The following NPEPPS variants were observed in gnomAD, a reference collection of about 807,000 sequenced individuals.
NPEPPS encodes the protein aminopeptidase puromycin sensitive, also known as puromycin-sensitive aminopeptidase.
NPEPPS carries 14 observed loss-of-function variants against 115.5 expected under a neutral mutation model. That is an observed-to-expected ratio of 0.12 (90% CI 0.08 to 0.19). The LOEUF (loss-of-function observed/expected upper bound fraction) is 0.19. Among genes scored for constraint, NPEPPS ranks in the 10% least tolerant of loss-of-function variants. NPEPPS has a pLI of 1.00. For missense variants in NPEPPS, 523 were observed against 1,110.8 expected, an observed-to-expected ratio of 0.47 and a Z score of 7.52; for synonymous variants, 285 against 390.6, an observed-to-expected ratio of 0.73 and a Z score of 3.19.
chr17:47,554,851 A>G (rs1249240312), intron 2 of NPEPPS, among the ~76,000 whole-genome samples: 1 of 152,100 alleles, frequency 6.6e-6, no homozygotes, highest in Non-Finnish European at 1.5e-5. Flanking sequence ...GCTGGGTGGC[A>G]TATATATACA....
intron 1 of NPEPPS, among the ~76,000 whole-genome samples, chr17:47,544,858 G>A (rs1385288877): frequency 6.7e-6 from 1 of 148,380 alleles, no homozygotes; most frequent in African/African-American, 2.5e-5. Flanking sequence ...GATTACAGGT[G>A]TGTGCCACCA....
rs1196708818 is a variant in NPEPPS, at chr17:47,603,929, A to C, written c.1755A>C (p.Thr585=). The change falls in exon 16 of 23, where the codon ACA becomes ACC. Residue 585 remains threonine (T), a synonymous_variant. Transcript: ENST00000322157. ...TATCTTTGCAGTTAAACTTAGGAAC[A>C]GTTGGGTTTTATCGGACCCAGTACA... ...PDQWVKLNLG[T]VGFYRTQYSS... 1 of 1,611,200 alleles carries C rather than the reference A, an allele frequency of 6.2e-7. No homozygotes were observed. The highest frequency in any genetic ancestry group is 2.2e-5 in the East Asian group (1 of 44,850).
upstream of NPEPPS, among the ~76,000 whole-genome samples, chr17:47,530,102 ATTTTTT>A: frequency 8.0e-6 from 1 of 124,472 alleles, no homozygotes; most frequent in East Asian, 2.4e-4. Flanking sequence ...AAGCCCGGCT[ATTTTTT>A]TTTTTTTTGT....
chr17:47,534,214 C>G lies in NPEPPS; in HGVS notation c.255+2659C>G, dbSNP rs181277554. Reference sequence around the variant, plus strand: ...TCACGCCATTCTCCTGCTTCAGCCTCCCAAGTAGCTGGGACTACAGGTGCC... The same window carrying G: ...TCACGCCATTCTCCTGCTTCAGCCTGCCAAGTAGCTGGGACTACAGGTGCC... On this transcript the variant is annotated intron_variant, in intron 1 of 22. Coordinates refer to ENST00000322157, the MANE Select transcript of NPEPPS (RefSeq NM_006310.4). Among the ~76,000 whole-genome samples, 9 of 152,180 alleles carry G rather than the reference C, an allele frequency of 5.9e-5. No individual in the cohort carries two copies. In the East Asian group the frequency reaches 1.5e-3, roughly 26 times the overall value.
At chr17:47,618,920 G>A in intron 20 of NPEPPS, 89 bp from the exon 21 acceptor site, 3 of 1,144,486 alleles carry the variant, frequency 2.6e-6, no homozygotes, top group Middle Eastern at 5.7e-4. Context: ...TCTTCAGTGT[G>A]ATTACTTCAG....
chr17:47,544,580 C>G (rs533144846), intron 1 of NPEPPS, among the ~76,000 whole-genome samples: 1 of 150,720 alleles, frequency 6.6e-6, no homozygotes, highest in East Asian at 1.9e-4. Flanking sequence ...TGTTACCAGG[C>G]TGGAGTGTAG....
intron 12 of NPEPPS, chr17:47,596,116 G>T: frequency 3.0e-6 from 1 of 335,986 alleles, no homozygotes; most frequent in Non-Finnish European, 5.6e-6. Flanking sequence ...TTATGCCACT[G>T]CACTCTAGCC....
intron 1 of NPEPPS, among the ~76,000 whole-genome samples, chr17:47,533,823 G>A (rs1908000235): frequency 6.6e-6 from 1 of 152,028 alleles, no homozygotes; most frequent in Non-Finnish European, 1.5e-5. Flanking sequence ...TAAGTAGCAT[G>A]AACTTTTCAA....
At chr17:47,541,278 T>G (rs953838238) in intron 1 of NPEPPS, among the ~76,000 whole-genome samples, 1 of 152,128 alleles carries the variant, frequency 6.6e-6, no homozygotes, top group African/African-American at 2.4e-5. Flanking sequence ...TAAACCACAG[T>G]TATTATTTTG....
intron 2 of NPEPPS, among the ~76,000 whole-genome samples, chr17:47,557,218 A>T (rs1039942890): frequency 6.6e-6 from 1 of 151,690 alleles, no homozygotes; most frequent in South Asian, 2.1e-4. Flanking sequence ...GCTAGGATTA[A>T]AGGCATGTGC....
chr17:47,597,066 A>T (rs992042122), intron 13 of NPEPPS, among the ~76,000 whole-genome samples: 1 of 152,140 alleles, frequency 6.6e-6, no homozygotes, highest in Non-Finnish European at 1.5e-5. Flanking sequence ...AAAAAAATCA[A>T]TGTATTGATT....
At chr17:47,550,015 A>ACTAGTAGAACTTACTTTTTTTTTTTTT (rs1192934754) in intron 2 of NPEPPS, among the ~76,000 whole-genome samples, 1 of 149,980 alleles carries the variant, frequency 6.7e-6, no homozygotes, top group Non-Finnish European at 1.5e-5. Context: ...GCTCACTGCA[A>ACTAGTAGAACTTACTTTTTTTTTTTTT]GCTCTGCCTC....
chr17:47,601,838 A>G lies in NPEPPS; in HGVS notation c.1740+91A>G, dbSNP rs1287841558. ...CTGCTTCAGTTTAGTAGTTTCAAAG[A>G]AAAAAAAAAACCTAAACTTTTCTTT... is the stretch of plus-strand genomic sequence containing the variant. On this transcript the variant is annotated intron_variant, in intron 15 of 22. Coordinates refer to ENST00000322157, the MANE Select transcript of NPEPPS (RefSeq NM_006310.4). The G allele has an allele frequency of 4.2e-6, 4 of 949,380 alleles. No homozygotes were observed. In the Admixed American group the frequency reaches 1.3e-4, roughly 31 times the overall value. 58.8% of individuals were successfully genotyped at this position (949,380 alleles called of 1,614,324 possible). A position where few individuals can be genotyped will look rare whatever the true frequency, so the allele number is the denominator to read the frequency against.
At chr17:47,620,062 A>C in intron 22 of NPEPPS, 1 of 301,936 alleles carries the variant, frequency 3.3e-6, no homozygotes, top group Non-Finnish European at 6.3e-6. Context: ...GTGAAACCCC[A>C]AATTAGCTGG....
At chr17:47,605,128 TAAAAAG>T (rs1913436550) in intron 16 of NPEPPS, among the ~76,000 whole-genome samples, 199 bp from the exon 17 acceptor site, 3 of 152,042 alleles carry the variant, frequency 2.0e-5, no homozygotes, top group Admixed American at 6.6e-5. Context: ...AATTTTTCTG[TAAAAAG>T]AAAAAGAAAA....
At chr17:47,617,969 GTTCAAGCGA>G (rs1914313433) in intron 19 of NPEPPS, among the ~76,000 whole-genome samples, 1 of 152,174 alleles carries the variant, frequency 6.6e-6, no homozygotes, top group Middle Eastern at 3.4e-3. Flanking sequence ...AACCTCCCAG[GTTCAAGCGA>G]TTCTCCCGCC....
intron 1 of NPEPPS, among the ~76,000 whole-genome samples, chr17:47,533,770 T>A (rs1907995268): frequency 6.6e-6 from 1 of 152,126 alleles, no homozygotes; most frequent in African/African-American, 2.4e-5. Context: ...CAGGGACTTG[T>A]TAATTTGATG....
chr17:47,538,338 C>T (rs954464197), intron 1 of NPEPPS, among the ~76,000 whole-genome samples: 1 of 150,006 alleles, frequency 6.7e-6, no homozygotes, highest in Admixed American at 6.7e-5. Flanking sequence ...CCTCAGCCTC[C>T]CTAGTAGCTA....
intron 2 of NPEPPS, among the ~76,000 whole-genome samples, chr17:47,547,361 T>G (rs545640470): frequency 2.5e-3 from 374 of 152,078 alleles, no homozygotes; most frequent in Admixed American, 5.6e-3. Context: ...ACTTTTTTTT[T>G]TTTTTGAGAG....
Sources: gnomAD v4.1 joint callset for allele counts (sites outside exome capture counted in the v4.1 genomes callset) on GRCh38, gnomAD v4.1.1 for gene constraint, MANE v1.5 for transcripts, NCBI Gene and HGNC (gene_info 2026-07-23, HGNC 2026-07-21) for gene names.